Variants in MRAP2 observed in about 807,000 individuals in gnomAD.
MRAP2 encodes the protein melanocortin 2 receptor accessory protein 2, also known as melanocortin-2 receptor accessory protein 2.
In MRAP2, 20 loss-of-function variants were observed where a neutral mutation model predicts 17.4. The observed-to-expected ratio is 1.15, with a 90% CI of 0.81 to 1.67. The LOEUF is 1.67. MRAP2 is among the 40% of genes most tolerant of loss of function. MRAP2 has a pLI of 0.00. For missense variants in MRAP2, 238 were observed against 240.0 expected, an observed-to-expected ratio of 0.99 and a Z score of 0.05; for synonymous variants, 96 against 88.4, an observed-to-expected ratio of 1.09 and a Z score of -0.48.
chr6:84,093,887 T>C (rs1460883381), downstream of MRAP2, among the ~76,000 whole-genome samples: 1 of 152,162 alleles, frequency 6.6e-6, no homozygotes, highest in Non-Finnish European at 1.5e-5. Flanking sequence ...GTTAACAGCT[T>C]CTTGGATCTT....
At chr6:84,071,246 C>T (rs912043856) in intron 3 of MRAP2, among the ~76,000 whole-genome samples, 1 of 152,168 alleles carries the variant, frequency 6.6e-6, no homozygotes, top group Admixed American at 6.5e-5. Flanking sequence ...CTTAAAGCTC[C>T]TTTTAGCAGT....
chr6:84,091,448 T>G (rs977266832), downstream of MRAP2, among the ~76,000 whole-genome samples: 1 of 152,054 alleles, frequency 6.6e-6, no homozygotes, highest in Non-Finnish European at 1.5e-5. Context: ...GCCAGGCTGG[T>G]CTCGAACTCC....
At chr6:84,050,882 G>A (rs1322196299) in intron 1 of MRAP2, among the ~76,000 whole-genome samples, 1 of 152,190 alleles carries the variant, frequency 6.6e-6, no homozygotes, top group East Asian at 1.9e-4. Flanking sequence ...TGTACAAACT[G>A]GTCAGCATAG....
intron 3 of MRAP2, chr6:84,063,511 T>C: frequency 1.3e-6 from 1 of 782,358 alleles, no homozygotes; most frequent in Non-Finnish European, 1.6e-6. Context: ...CACTGTGGTT[T>C]ACATAATTCT....
At chr6:84,045,377 C>G in intron 1 of MRAP2, 1 of 985,302 alleles carries the variant, frequency 1.0e-6, no homozygotes, top group Non-Finnish European at 1.2e-6. Context: ...GCAAGCCTGC[C>G]CCCAAGACCT....
At chr6:84,111,401 C>T in the MRAP2 span, among the ~76,000 whole-genome samples, 1 of 151,990 alleles carries the variant, frequency 6.6e-6, no homozygotes, top group Non-Finnish European at 1.5e-5. Flanking sequence ...ATTTGGCTCT[C>T]TCTTTGTCTA....
chr6:84,099,147 A>G, the MRAP2 span, among the ~76,000 whole-genome samples: 1 of 145,714 alleles, frequency 6.9e-6, no homozygotes, highest in Non-Finnish European at 1.5e-5. Context: ...GATCACCATG[A>G]TCTTTTTAAT....
chr6:84,055,069 C>CA (rs2099491350), intron 1 of MRAP2, among the ~76,000 whole-genome samples: 2 of 151,970 alleles, frequency 1.3e-5, no homozygotes, highest in South Asian at 2.1e-4. Flanking sequence ...GGGTTAAGTT[C>CA]AAAAAAATAT....
chr6:84,040,801 C>T (rs1229554800), intron 1 of MRAP2, among the ~76,000 whole-genome samples: 1 of 152,078 alleles, frequency 6.6e-6, no homozygotes, highest in East Asian at 1.9e-4. Flanking sequence ...AATTCCTAAG[C>T]AGCAAAGTGT....
At position 84,033,828 on chromosome 6, in the gene MRAP2, G is replaced by C. The variant is rs906461096; in HGVS notation, c.-63G>C. The C allele has an allele frequency of 6.4e-5, 63 of 987,760 alleles. 1 individual carries two copies. Among genetic ancestry groups the C allele is most frequent in the Non-Finnish European group, 7.2e-5 (60 of 831,510 alleles). The allele number at this position is 987,760 out of a possible 1,614,324, so 61.2% of individuals were successfully genotyped here. ...GGCGGCGGCGGCGCTCGCGCACCTC[G>C]GAGGAGCCAGGAGCCGGAACCAGGG... On this transcript the variant is annotated 5_prime_UTR_variant, in exon 1 of 4. Transcript: ENST00000257776.
At chr6:84,138,646 C>T in the MRAP2 span, among the ~76,000 whole-genome samples, 1 of 152,126 alleles carries the variant, frequency 6.6e-6, no homozygotes, top group South Asian at 2.1e-4. Flanking sequence ...TCATGTGCTG[C>T]GTCTTCTATT....
chr6:84,111,570 C>A, the MRAP2 span, among the ~76,000 whole-genome samples: 1 of 152,176 alleles, frequency 6.6e-6, no homozygotes, highest in Non-Finnish European at 1.5e-5. Flanking sequence ...TTGACTTCCT[C>A]TTTTTCTATT....
intron 2 of MRAP2, among the ~76,000 whole-genome samples, chr6:84,061,567 G>A (rs1335615242): frequency 6.6e-6 from 1 of 152,218 alleles, no homozygotes; most frequent in Non-Finnish European, 1.5e-5. Flanking sequence ...ATTAGTTGAG[G>A]CTTAGTAGAT....
At chr6:84,033,180 C>A (rs1317957887), upstream of MRAP2, among the ~76,000 whole-genome samples, 1 of 152,162 alleles carries the variant, frequency 6.6e-6, no homozygotes, top group African/African-American at 2.4e-5. Flanking sequence ...TAGTAGAATG[C>A]AAGCACCAAG....
At chr6:84,059,921 C>T (rs1208096389) in intron 2 of MRAP2, among the ~76,000 whole-genome samples, 1 of 152,116 alleles carries the variant, frequency 6.6e-6, no homozygotes, top group Non-Finnish European at 1.5e-5. Flanking sequence ...AGTGCCTATG[C>T]CCATGAAACT....
intron 3 of MRAP2, 26 bp downstream of exon 3, chr6:84,063,018 CT>C (rs774143274): frequency 2.6e-5 from 42 of 1,613,750 alleles, no homozygotes; most frequent in Middle Eastern, 1.6e-4. Context: ...TCCTAAATGT[CT>C]CTTAAGCCTC....
the MRAP2 span, among the ~76,000 whole-genome samples, chr6:84,099,318 TATTTTTA>T: frequency 6.6e-6 from 1 of 152,064 alleles, no homozygotes; most frequent in Admixed American, 6.6e-5. Context: ...ATTTATTTTT[TATTTTTA>T]AATTTTTTTT....
downstream of MRAP2, among the ~76,000 whole-genome samples, chr6:84,093,853 A>C (rs1433251160): frequency 6.6e-6 from 1 of 152,214 alleles, no homozygotes; most frequent in Non-Finnish European, 1.5e-5. Context: ...GGAAGTCCCT[A>C]ATCCCTTAAA....
In MRAP2 at chr6:84,056,179, G is replaced by A. The variant is rs142761431; in HGVS notation, c.127+734G>A. ...AAATATCCCTGAAATGTTCACTTTT[G>A]TCAGAGTGAATTATCCACAGCACTG... On this transcript the variant is annotated intron_variant, in intron 2 of 3. Transcript: ENST00000257776. 6.1e-3 allele frequency among the ~76,000 whole-genome samples: 933 copies of A among 152,302 alleles called. 6 individuals carry two copies. The highest frequency in any genetic ancestry group is 0.022 in the African/African-American group (899 of 41,568).
Sources: allele counts gnomAD v4.1 joint callset (sites outside exome capture counted in the v4.1 genomes callset), GRCh38; gene constraint gnomAD v4.1.1; transcripts MANE v1.5; gene names NCBI Gene and HGNC (gene_info 2026-07-23, HGNC 2026-07-21).